The following FREM2 variants were observed in gnomAD, a reference collection of about 807,000 sequenced individuals.
FREM2 encodes FRAS1-related extracellular matrix protein 2.
In FREM2, 119 loss-of-function variants were observed where a neutral mutation model predicts 219.9. The ratio of observed to expected loss-of-function variants is 0.54; its 90% CI spans 0.47 to 0.63. The LOEUF is 0.63. Among genes scored for constraint, FREM2 ranks in the 30% least tolerant of loss-of-function variants. The pLI, the probability that FREM2 is intolerant of heterozygous loss-of-function variation, is 0.00. For missense variants in FREM2, 4,030 were observed against 3,993.6 expected (o/e 1.01, Z -0.25); for synonymous variants, 1,562 against 1,522.8 (o/e 1.03, Z -0.60).
At position 38,691,414 on chromosome 13, in the gene FREM2, C is replaced by T. The variant is rs1869849484; in HGVS notation, c.4070C>T (p.Pro1357Leu). The T allele has an allele frequency of 1.2e-6, 2 of 1,614,112 alleles. No homozygotes were observed. The highest frequency in any genetic ancestry group is 1.7e-6 in the Non-Finnish European group (2 of 1,180,008). ...CATGGCTTATTACAGAGACGAAAAC[C>T]TACTGGTGCCTTTGAAAATATCACA... ...PGHGLLQRRKPTGAFENITLG... is the reference protein window; with the variant it reads ...PGHGLLQRRKLTGAFENITLG... Residue 1357 changes from proline to leucine, a missense_variant, in exon 1 of 24, where the codon CCT becomes CTT. Transcript: ENST00000280481.
intron 6 of FREM2, among the ~76,000 whole-genome samples, chr13:38,824,881 G>A (rs1158309638): frequency 6.6e-6 from 1 of 151,856 alleles, no homozygotes; most frequent in Non-Finnish European, 1.5e-5. Context: ...ATTGAGTTTT[G>A]GGGAAGGACG....
At chr13:38,819,566 G>A (rs1017561021) in intron 6 of FREM2, among the ~76,000 whole-genome samples, 10 of 152,198 alleles carry the variant, frequency 6.6e-5, no homozygotes, top group African/African-American at 2.4e-4. Context: ...GGATATCAAG[G>A]TTGTGGTACC....
chr13:38,857,607 C>G (rs768344070), intron 12 of FREM2, among the ~76,000 whole-genome samples: 1 of 152,138 alleles, frequency 6.6e-6, no homozygotes, highest in Non-Finnish European at 1.5e-5. Flanking sequence ...AAATTAGAGC[C>G]CAAACACCTC....
chr13:38,849,903 T>A, intron 8 of FREM2, 135 bp from the exon 9 acceptor site: 2 of 749,932 alleles, frequency 2.7e-6, no homozygotes, highest in Non-Finnish European at 4.6e-6. Context: ...GTCAAAATAT[T>A]GGCAAGTGAC....
intron 8 of FREM2, 72 bp from the exon 9 acceptor site, chr13:38,849,966 C>T: frequency 1.6e-6 from 2 of 1,233,806 alleles, no homozygotes; most frequent in Non-Finnish European, 2.4e-6. Context: ...ATTCTTTCCA[C>T]TAAATCACAT....
rs74577582 is a variant in FREM2, at chr13:38,857,886, C to T, written c.7068C>T (p.Ala2356=). The change falls in exon 13 of 24, where the codon GCC becomes GCT. Residue 2356 remains alanine, a synonymous_variant. Coordinates refer to ENST00000280481, the MANE Select transcript of FREM2 (RefSeq NM_207361.6). The stretch of plus-strand genomic sequence containing the variant: ...TCTTTTCCTTCTAGTTGACGAAAGC[C>T]ATTGTGTACATAGAAGAAATGAGCA... ...NMIAEMQLTK[A]IVYIEEMSSM... The T allele has an allele frequency of 7.1e-4, 1,145 of 1,613,468 alleles. 9 individuals are homozygous for T. The African/African-American group carries it at 0.014, about 19-fold the overall frequency.
intron 15 of FREM2, among the ~76,000 whole-genome samples, chr13:38,863,937 A>G (rs1877855672): frequency 6.6e-6 from 1 of 151,994 alleles, no homozygotes; most frequent in Non-Finnish European, 1.5e-5. Context: ...GGTTCAAGCA[A>G]TTCTCCTGCC....
chr13:38,833,612 A>C (rs1453444216), intron 6 of FREM2, among the ~76,000 whole-genome samples: 1 of 152,178 alleles, frequency 6.6e-6, no homozygotes, highest in Non-Finnish European at 1.5e-5. Context: ...ATGGAAAAAA[A>C]TAATTCAATG....
chr13:38,876,405 C>A, intron 20 of FREM2, 23 bp downstream of exon 20: 1 of 1,600,078 alleles, frequency 6.2e-7, no homozygotes, highest in Non-Finnish European at 8.6e-7. Context: ...GAATTACTAT[C>A]TTATGACTTG....
Position 38,850,212 on chromosome 13 carries a change from C to T in FREM2, c.6554C>T (p.Thr2185Ile), listed in dbSNP as rs1286452820. 1 of 1,613,844 alleles carries T rather than the reference C, an allele frequency of 6.2e-7. No individual in the cohort carries two copies. The change falls in exon 9 of 24, where the codon ACC (threonine) becomes ATC (isoleucine). Residue 2185 changes from threonine to isoleucine, a missense_variant. By Grantham distance (89) the Thr-to-Ile change is moderately conservative. This residue lies in a region of FREM2 where 3,102 missense variants were observed against 2,950.7 expected (regional missense o/e 1.05). Transcript: ENST00000280481. ...TTTGAAGAACGCCCAAACACTGATACCTCCATCATCACATTCCTCCCTGGT... is the reference window on the plus strand; with the variant it reads ...TTTGAAGAACGCCCAAACACTGATATCTCCATCATCACATTCCTCCCTGGT... ...MDFEERPNTD[T>I]SIITFLPGET...
At chr13:38,852,486 A>C (rs997135628) in intron 11 of FREM2, among the ~76,000 whole-genome samples, 6 of 152,148 alleles carry the variant, frequency 3.9e-5, no homozygotes, top group Non-Finnish European at 7.4e-5. Context: ...ATATTTTTCT[A>C]TGTAATTGCA....
At chr13:38,789,222 C>G (rs1431175860) in intron 6 of FREM2, among the ~76,000 whole-genome samples, 1 of 151,828 alleles carries the variant, frequency 6.6e-6, no homozygotes, top group Non-Finnish European at 1.5e-5. Flanking sequence ...AATTATAAAT[C>G]TGCCTGTATG....
chr13:38,877,270 C>T (rs1383225783), intron 21 of FREM2, 27 bp downstream of exon 21: 6 of 1,611,468 alleles, frequency 3.7e-6, no homozygotes, highest in Non-Finnish European at 5.1e-6. Context: ...GAGAGGGATG[C>T]TCTGTTTGTC....
At chr13:38,865,832 GCT>G (rs1877943162) in intron 16 of FREM2, among the ~76,000 whole-genome samples, 1 of 152,170 alleles carries the variant, frequency 6.6e-6, no homozygotes, top group African/African-American at 2.4e-5. Flanking sequence ...CCAAAATTTG[GCT>G]CTGATAGTTT....
chr13:38,859,609 C>T lies in FREM2; in HGVS notation c.7519+19C>T, dbSNP rs777072477. 5.0e-6 allele frequency: 8 copies of T among 1,608,780 alleles called. No homozygotes were observed. Among genetic ancestry groups the T allele is most frequent in the East Asian group, 4.5e-5 (2 of 44,828 alleles). Reference sequence around the variant, plus strand: ...GAAGAAGGTCAGTCATTGCCATTTTCCCCTGAAGATCACTGGAATACTGTG... The same window carrying T: ...GAAGAAGGTCAGTCATTGCCATTTTTCCCTGAAGATCACTGGAATACTGTG... On this transcript the variant is annotated intron_variant, in intron 14 of 23. Coordinates refer to ENST00000280481, the MANE Select transcript of FREM2 (RefSeq NM_207361.6).
intron 6 of FREM2, among the ~76,000 whole-genome samples, chr13:38,824,982 A>C (rs879440132): frequency 1.4e-5 from 2 of 146,668 alleles, no homozygotes; most frequent in East Asian, 4.2e-4. Context: ...TTGGGGGTGG[A>C]GGGGGGCGGC....
chr13:38,784,751 A>G lies in FREM2; in HGVS notation c.5962A>G (p.Arg1988Gly), dbSNP rs764023316. The G allele has an allele frequency of 6.2e-7, 1 of 1,614,186 alleles. No individual in the cohort carries two copies. Among genetic ancestry groups the G allele is most frequent in the Non-Finnish European group, 8.5e-7 (1 of 1,179,988 alleles). ...CCTTCTGAGCATGCCCATGGGGGGA[A>G]GAATCGGATCAGAGTTCCCAGGGGC... ...HVLLSMPMGGRIGSEFPGAQV... is the reference protein window; with the variant it reads ...HVLLSMPMGGGIGSEFPGAQV... Residue 1988 changes from arginine (R) to glycine (G), a missense_variant, in exon 6 of 24, where the codon AGA (arginine) becomes GGA (glycine). Coordinates refer to ENST00000280481, the MANE Select transcript of FREM2 (RefSeq NM_207361.6).
intron 2 of FREM2, among the ~76,000 whole-genome samples, chr13:38,725,054 A>G (rs1871458558): frequency 6.6e-6 from 1 of 152,362 alleles, no homozygotes; most frequent in East Asian, 1.9e-4. Flanking sequence ...AGGGAAGGAA[A>G]GAAAGAGATA....
At chr13:38,780,685 G>A (rs1414380052) in intron 4 of FREM2, among the ~76,000 whole-genome samples, 1 of 152,180 alleles carries the variant, frequency 6.6e-6, no homozygotes, top group African/African-American at 2.4e-5. Context: ...CAACCGGAAA[G>A]CCAAAGACAA....
Sources: gnomAD v4.1 joint callset for allele counts (sites outside exome capture counted in the v4.1 genomes callset) on GRCh38, gnomAD v4.1.1 for gene constraint, gnomAD v4.1.1 regional missense constraint, MANE v1.5 for transcripts, NCBI Gene and HGNC (gene_info 2026-07-23, HGNC 2026-07-21) for gene names.